The following VAC14 variants were observed in gnomAD, a reference collection of about 807,000 sequenced individuals.
VAC14 encodes VAC14 component of PIKFYVE complex, also known as protein VAC14 homolog.
Under a neutral mutation model 85.3 loss-of-function variants are expected in VAC14, and 47 were observed. That is an observed-to-expected ratio of 0.55 (90% confidence interval 0.44 to 0.70). VAC14 has a LOEUF of 0.70. Ranked by LOEUF, VAC14 falls within the 30% of genes least tolerant of loss-of-function variation. The pLI is 0.00. For missense variants in VAC14, 861 were observed against 1,004.3 expected (o/e 0.86, Z 1.93); for synonymous variants, 447 against 430.5 (o/e 1.04, Z -0.47).
At chr16:70,714,726 G>A (rs1444458136) in intron 14 of VAC14, 1 of 152,258 alleles carries the variant, frequency 6.6e-6, no homozygotes, top group Non-Finnish European at 1.5e-5. Flanking sequence ...CAGATTATCT[G>A]CTTAAACTGC....
At chr16:70,760,416 G>A (rs887960779) in intron 12 of VAC14, among the ~76,000 whole-genome samples, 5 of 152,226 alleles carry the variant, frequency 3.3e-5, no homozygotes, top group Non-Finnish European at 5.9e-5. Context: ...ATTAAGCAGG[G>A]GACACTTAGG....
intron 14 of VAC14, among the ~76,000 whole-genome samples, chr16:70,702,582 C>T (rs745941392): frequency 3.9e-5 from 6 of 152,144 alleles, no homozygotes; most frequent in Admixed American, 3.3e-4. Context: ...AGGTGGGGGC[C>T]GCATCCTGCC....
At chr16:70,697,074 G>A (rs775782247) in intron 16 of VAC14, 65 bp downstream of exon 16, 3 of 1,373,280 alleles carry the variant, frequency 2.2e-6, no homozygotes, top group Non-Finnish European at 3.1e-6. Context: ...TGGGTGGAAA[G>A]GGGGCAGCCG....
chr16:70,794,755 G>C (rs992510461), intron 1 of VAC14, among the ~76,000 whole-genome samples: 2 of 152,114 alleles, frequency 1.3e-5, no homozygotes. Context: ...GCCAGCCTGT[G>C]ACCCCGGAAT....
chr16:70,753,867 G>A (rs2031608099), intron 12 of VAC14, among the ~76,000 whole-genome samples: 1 of 152,192 alleles, frequency 6.6e-6, no homozygotes, highest in African/African-American at 2.4e-5. Flanking sequence ...AGGTGTGAGT[G>A]AGAGCGCCCA....
At chr16:70,702,231 T>C (rs536312313) in intron 14 of VAC14, among the ~76,000 whole-genome samples, 4 of 150,890 alleles carry the variant, frequency 2.7e-5, no homozygotes, top group South Asian at 2.1e-4. Context: ...TTGTCACCCA[T>C]CAGGCCAAGC....
At chr16:70,694,636 G>A (rs1054646444) in intron 17 of VAC14, among the ~76,000 whole-genome samples, 1 of 152,208 alleles carries the variant, frequency 6.6e-6, no homozygotes, top group Non-Finnish European at 1.5e-5. Flanking sequence ...TGGCCAGCTT[G>A]GCAGGGAAGG....
intron 12 of VAC14, among the ~76,000 whole-genome samples, chr16:70,751,249 C>T (rs1156795088): frequency 6.6e-6 from 1 of 152,212 alleles, no homozygotes; most frequent in African/African-American, 2.4e-5. Context: ...CAGGAAATCC[C>T]CAAGCTGGGC....
chr16:70,693,067 G>A (rs2053630855), intron 17 of VAC14, 96 bp from the exon 18 acceptor site: 1 of 1,460,882 alleles, frequency 6.8e-7, no homozygotes, highest in African/African-American at 1.4e-5. Flanking sequence ...GACCACCTGG[G>A]ACTTGGTGCC....
At chr16:70,731,327 G>A in intron 14 of VAC14, 168 bp downstream of exon 14, 7 of 1,461,764 alleles carry the variant, frequency 4.8e-6, no homozygotes, top group Non-Finnish European at 6.3e-6. Flanking sequence ...AGAAGCATCA[G>A]CAACCAGTAT....
At chr16:70,783,215 C>A in intron 6 of VAC14, 76 bp from the exon 7 acceptor site, 1 of 1,481,420 alleles carries the variant, frequency 6.8e-7, no homozygotes. Flanking sequence ...GCCCCATTTC[C>A]GTGCTGGGTC....
At chr16:70,758,207 T>C (rs1208670803) in intron 12 of VAC14, among the ~76,000 whole-genome samples, 2 of 152,198 alleles carry the variant, frequency 1.3e-5, no homozygotes, top group African/African-American at 4.8e-5. Context: ...AGACGCCAAG[T>C]TCCCCCAACA....
chr16:70,693,688 A>G (rs1227160233), intron 17 of VAC14, among the ~76,000 whole-genome samples: 1 of 152,180 alleles, frequency 6.6e-6, no homozygotes, highest in Non-Finnish European at 1.5e-5. Context: ...AGCTTCCCCA[A>G]GGCGCACAGG....
intron 10 of VAC14, chr16:70,769,221 AG>A (rs1449346467): frequency 6.2e-6 from 1 of 160,844 alleles, no homozygotes; most frequent in African/African-American, 2.4e-5. Context: ...GGCAGTTTCC[AG>A]CCAGGTGGGA....
chr16:70,714,124 C>A lies in VAC14; in HGVS notation c.1662-15313G>T, dbSNP rs999476343. The A allele has an allele frequency of 3.3e-5, 5 of 152,138 alleles. No individual in the cohort carries two copies. The East Asian group carries it at 9.6e-4, about 29-fold the overall frequency. The allele number at this position is 152,138 out of a possible 1,614,324, so 9.4% of individuals were successfully genotyped here. On this transcript the variant is annotated intron_variant, in intron 14 of 18. Transcript: ENST00000261776. ...GCCCAGGGCCCATCCTGGGGGCCTG[C>A]GACCTTGGGCTGCGGGGGTCGGGGA...
intron 14 of VAC14, among the ~76,000 whole-genome samples, chr16:70,723,941 T>C (rs2054357703): frequency 6.6e-6 from 1 of 152,146 alleles, no homozygotes; most frequent in South Asian, 2.1e-4. Context: ...GCTGATTCAG[T>C]GGGAGCATGG....
intron 5 of VAC14, 103 bp from the exon 6 acceptor site, chr16:70,783,657 C>G: frequency 6.2e-6 from 7 of 1,132,032 alleles, no homozygotes; most frequent in Non-Finnish European, 7.8e-6. Context: ...CCTGCTGAGA[C>G]AGCATTTCCC....
At chr16:70,709,305 C>A (rs753410093) in intron 14 of VAC14, among the ~76,000 whole-genome samples, 13 of 151,430 alleles carry the variant, frequency 8.6e-5, no homozygotes, top group Non-Finnish European at 1.8e-4. Context: ...AGCTCCAGGG[C>A]CTACACAGCA....
chr16:70,772,833 C>CT (rs2033313273), intron 9 of VAC14: 1 of 152,206 alleles, frequency 6.6e-6, no homozygotes, highest in Admixed American at 6.5e-5. Context: ...ACCCAAATAT[C>CT]TATCAACAGA....
Sources: allele counts gnomAD v4.1 joint callset (sites outside exome capture counted in the v4.1 genomes callset), GRCh38; gene constraint gnomAD v4.1.1; transcripts MANE v1.5; gene names NCBI Gene and HGNC (gene_info 2026-07-23, HGNC 2026-07-21).